SEC24D: variants seen among roughly 807,000 people sequenced by gnomAD.
The protein encoded by SEC24D is protein transport protein Sec24D.
A neutral mutation model predicts 116.9 loss-of-function variants in SEC24D; 69 were observed. The ratio of observed to expected loss-of-function variants is 0.59; its 90% CI spans 0.49 to 0.72. The LOEUF (loss-of-function observed/expected upper bound fraction) is 0.72, where lower values mean the gene tolerates loss of function less well. SEC24D is among the 30% of genes least tolerant of loss of function. SEC24D has a pLI of 0.00. For missense variants in SEC24D, 1,131 were observed against 1,264.1 expected (o/e 0.89, Z 1.60); for synonymous variants, 405 against 442.8 (o/e 0.91, Z 1.07).
intron 19 of SEC24D, among the ~76,000 whole-genome samples, chr4:118,734,655 G>A (rs1341259064): frequency 6.6e-6 from 1 of 152,168 alleles, no homozygotes; most frequent in Non-Finnish European, 1.5e-5. Flanking sequence ...ACTAAGTAAG[G>A]AATGTGGGGA....
rs1191038210 is a variant in SEC24D, at chr4:118,778,643, T to C, written c.1042-10332A>G. ...GTTTTTTCCAATTCCATTAAGAAAG[T>C]CATTGGTAGCTTGACGAGGATGGCA... On this transcript the variant is annotated intron_variant, in intron 8 of 22. Transcript: ENST00000280551. 2.6e-5 allele frequency among the ~76,000 whole-genome samples: 4 copies of C among 152,298 alleles called. No individual in the cohort carries two copies. The South Asian group carries it at 6.2e-4, about 24-fold the overall frequency.
At chr4:118,736,862 G>T (rs1725990529) in intron 19 of SEC24D, among the ~76,000 whole-genome samples, 1 of 152,196 alleles carries the variant, frequency 6.6e-6, no homozygotes, top group South Asian at 2.1e-4. Flanking sequence ...TCATTTAATT[G>T]TGCAAACAGG....
At chr4:118,746,192 A>C (rs1042194771) in intron 13 of SEC24D, among the ~76,000 whole-genome samples, 2 of 101,800 alleles carry the variant, frequency 2.0e-5, no homozygotes, top group Non-Finnish European at 4.0e-5. Flanking sequence ...GAAGAAAAGG[A>C]GGAAAGAAGG....
chr4:118,729,472 C>T (rs890980435), intron 21 of SEC24D: 1 of 152,092 alleles, frequency 6.6e-6, no homozygotes, highest in Non-Finnish European at 1.5e-5. Flanking sequence ...GGCTATGTTG[C>T]GAGAGAAAAG....
chr4:118,824,627 G>A lies in SEC24D; in HGVS notation c.241C>T (p.Pro81Ser), dbSNP rs2110535324. Residue 81 changes from proline to serine, a missense_variant, in exon 3 of 23, where the codon CCC becomes TCC. Transcript: ENST00000280551. Reference protein sequence around the residue: ...QNGAHATGHPPQRFPGPPPVN... With the variant: ...QNGAHATGHPSQRFPGPPPVN... ...GGAATCTACCTAGCTCACCTTTGGG[G>A]AGGGTGACCAGTGGCATGAGCTCCA... 5 of 1,600,494 alleles carry A rather than the reference G, an allele frequency of 3.1e-6. No individual in the cohort carries two copies. Among genetic ancestry groups the A allele is most frequent in the South Asian group, 1.1e-5 (1 of 88,552 alleles).
rs139398508 is a variant in SEC24D at position 118,726,520 on chromosome 4, C to T, written c.2958+2041G>A. Reference sequence around the variant, plus strand: ...GGTTGTAGAATGTTTGGTATATTGCCGGTGTTCAATAAATATTTGTAGAAT... The same window carrying T: ...GGTTGTAGAATGTTTGGTATATTGCTGGTGTTCAATAAATATTTGTAGAAT... On this transcript the variant is annotated intron_variant, in intron 22 of 22. Transcript: ENST00000280551. 3.5e-3 allele frequency among the ~76,000 whole-genome samples: 528 copies of T among 152,094 alleles called. 3 individuals are homozygous for T. The highest frequency in any genetic ancestry group is 0.012 in the African/African-American group (501 of 41,484).
chr4:118,827,211 GGCTGGGGTCAGACT>G (rs1259301225), intron 2 of SEC24D, among the ~76,000 whole-genome samples: 1 of 152,144 alleles, frequency 6.6e-6, no homozygotes, highest in Non-Finnish European at 1.5e-5. Flanking sequence ...TGTCCAGGTT[GGCTGGGGTCAGACT>G]GCAAAGTCCT....
chr4:118,817,220 C>T, intron 4 of SEC24D, 44 bp downstream of exon 4: 1 of 1,493,098 alleles, frequency 6.7e-7, no homozygotes, highest in Non-Finnish European at 9.0e-7. Context: ...TAAAAATGAC[C>T]AGGACACAAG....
Position 118,833,732 on chromosome 4 carries a change from A to C in SEC24D, c.-36T>G, listed in dbSNP as rs1560776544. ...TCATTCCATAGGATAATTCTACAAAAGAAGTCTGCAACAGAGAAACAAGAA... is the reference window on the plus strand; with the variant it reads ...TCATTCCATAGGATAATTCTACAAACGAAGTCTGCAACAGAGAAACAAGAA... On this transcript the variant is annotated 5_prime_UTR_variant, in exon 2 of 23. Transcript: ENST00000280551. 4 of 1,444,998 alleles carry C rather than the reference A, an allele frequency of 2.8e-6. No homozygotes were observed. Among genetic ancestry groups the C allele is most frequent in the Non-Finnish European group, 3.9e-6 (4 of 1,036,538 alleles). 89.5% of individuals were successfully genotyped at this position (1,444,998 alleles called of 1,614,324 possible).
intron 8 of SEC24D, among the ~76,000 whole-genome samples, chr4:118,788,669 A>C (rs1435587484): frequency 6.6e-6 from 1 of 152,258 alleles, no homozygotes; most frequent in Non-Finnish European, 1.5e-5. Flanking sequence ...AGAGAGGTGA[A>C]CAGGGTTATA....
At chr4:118,765,188 A>G (rs1459473353) in intron 9 of SEC24D, among the ~76,000 whole-genome samples, 3 of 152,204 alleles carry the variant, frequency 2.0e-5, no homozygotes, top group Non-Finnish European at 4.4e-5. Flanking sequence ...GGTGTTTTTA[A>G]GTTGTCACAA....
intron 15 of SEC24D, among the ~76,000 whole-genome samples, 189 bp downstream of exon 15, chr4:118,743,798 AG>A (rs551533424): frequency 9.6e-4 from 146 of 152,330 alleles, no homozygotes; most frequent in Admixed American, 2.7e-3. Flanking sequence ...TTTTGATCCG[AG>A]GTTGGTTGAA....
intron 4 of SEC24D, among the ~76,000 whole-genome samples, 161 bp downstream of exon 4, chr4:118,817,103 T>C (rs899899030): frequency 2.0e-5 from 3 of 152,212 alleles, no homozygotes; most frequent in Admixed American, 1.3e-4. Flanking sequence ...CAATTAACTA[T>C]AGCCATACAT....
intron 8 of SEC24D, among the ~76,000 whole-genome samples, chr4:118,795,357 C>T (rs1465695548): frequency 6.9e-6 from 1 of 144,790 alleles, no homozygotes; most frequent in African/African-American, 2.4e-5. Context: ...TACAGGCACA[C>T]ACCACCATAC....
chr4:118,815,188 T>G, intron 5 of SEC24D, 33 bp from the exon 6 acceptor site: 1 of 1,612,260 alleles, frequency 6.2e-7, no homozygotes, highest in Middle Eastern at 1.7e-4. Context: ...GAAATGACTA[T>G]CATCCCAAAT....
intron 8 of SEC24D, among the ~76,000 whole-genome samples, chr4:118,775,579 T>C (rs1264075881): frequency 1.3e-5 from 2 of 152,078 alleles, no homozygotes; most frequent in Non-Finnish European, 2.9e-5. Flanking sequence ...GGAGTGATTT[T>C]GAGGAGAGCC....
In SEC24D at chr4:118,801,143, T is replaced by C. The variant is rs371248739; in HGVS notation, c.914-3333A>G. On this transcript the variant is annotated intron_variant, in intron 7 of 22. Coordinates refer to ENST00000280551, the MANE Select transcript of SEC24D (RefSeq NM_014822.4). Reference sequence around the variant, plus strand: ...CGGGCATGGTGGCGGGCACCTGTAGTCCCAGCTACTCGGGAGGCTGAGGCA... The same window carrying C: ...CGGGCATGGTGGCGGGCACCTGTAGCCCCAGCTACTCGGGAGGCTGAGGCA... Among the ~76,000 whole-genome samples the C allele has an allele frequency of 2.6e-5, 4 of 151,862 alleles. No homozygotes were observed. In the East Asian group the frequency reaches 7.7e-4, roughly 29 times the overall value.
rs762216451 is a variant in SEC24D, at chr4:118,731,469, G to A, written c.2715C>T (p.Ala905=). ...AAAGACGGGACTCAGAGCAACGAAC[G>A]GCAGCAGGTAACATTGTACTCTTGA... ...LDVKSTMLPA[A]VRCSESRLSE... Residue 905 remains alanine, a synonymous_variant, in exon 21 of 23, where the codon GCC becomes GCT. Transcript: ENST00000280551. The A allele has an allele frequency of 1.4e-5, 23 of 1,614,000 alleles. No individual in the cohort carries two copies. The East Asian group carries it at 3.6e-4, about 25-fold the overall frequency.
At chr4:118,812,600 C>T (rs528512973) in intron 6 of SEC24D, among the ~76,000 whole-genome samples, 5 of 151,456 alleles carry the variant, frequency 3.3e-5, no homozygotes, top group South Asian at 2.1e-4. Flanking sequence ...GGAGTTTGGC[C>T]GGGGCAGTCG....
Sources: allele counts gnomAD v4.1 joint callset (sites outside exome capture counted in the v4.1 genomes callset), GRCh38; gene constraint gnomAD v4.1.1; transcripts MANE v1.5; gene names NCBI Gene and HGNC (gene_info 2026-07-23, HGNC 2026-07-21).